Variants in RPH3AL observed in about 807,000 individuals in gnomAD.
RPH3AL encodes the protein rabphilin 3A like (without C2 domains).
A neutral mutation model predicts 43.1 loss-of-function variants in RPH3AL; 38 were observed. The observed-to-expected ratio is 0.88, with a 90% CI of 0.68 to 1.15. The LOEUF (loss-of-function observed/expected upper bound fraction) is 1.15, where lower values mean the gene tolerates loss of function less well. RPH3AL is among the 50% of genes most tolerant of loss of function. RPH3AL has a pLI of 0.00. For synonymous variants in RPH3AL, 189 were observed against 176.3 expected, an observed-to-expected ratio of 1.07 and a Z score of -0.57; for missense variants, 462 against 423.2, an observed-to-expected ratio of 1.09 and a Z score of -0.81.
chr17:253,441 C>T (rs28747076), intron 6 of RPH3AL, among the ~76,000 whole-genome samples: 21,837 of 152,186 alleles, frequency 0.14, 1,644 homozygotes, highest in South Asian at 0.19. Context: ...CATGGACTTC[C>T]GAGCTGCTCC....
chr17:304,384 C>T (rs974955355), intron 5 of RPH3AL, among the ~76,000 whole-genome samples: 49 of 152,150 alleles, frequency 3.2e-4, no homozygotes, highest in Admixed American at 1.1e-3. Context: ...CAGAATCCAG[C>T]GTTCTAAACC....
intron 1 of RPH3AL, chr17:349,467 C>T (rs1465751908): frequency 6.6e-6 from 1 of 151,344 alleles, no homozygotes; most frequent in Non-Finnish European, 1.5e-5. Context: ...ATTACCAGCT[C>T]AAACTCAAAA....
rs565537303 is a variant in RPH3AL, at chr17:215,152, C to T, written c.876+502G>A. Among the ~76,000 whole-genome samples the T allele has an allele frequency of 2.6e-5, 4 of 152,198 alleles. No homozygotes were observed. The highest frequency in any genetic ancestry group is 5.9e-5 in the Non-Finnish European group (4 of 68,036). On this transcript the variant is annotated intron_variant, in intron 9 of 9. Coordinates refer to ENST00000331302, the MANE Select transcript of RPH3AL (RefSeq NM_006987.4). This position sits in a 1 kb window ranked among gnomAD's most constrained non-coding sequence, Gnocchi z 4.1. ...GGCTTCTTTCTTGAAGGAGACAGGG[C>T]TGATCCTGCACCTGCGCAGTTTTCT...
At chr17:241,721 CTT>C (rs58397357) in intron 7 of RPH3AL, among the ~76,000 whole-genome samples, 6,773 of 133,942 alleles carry the variant, frequency 0.051, 193 homozygotes, top group Admixed American at 0.085. Context: ...CTTTTTTTTT[CTT>C]TTTTTTTTTT....
At chr17:305,787 G>A (rs1175701936) in intron 5 of RPH3AL, among the ~76,000 whole-genome samples, 1 of 151,746 alleles carries the variant, frequency 6.6e-6, no homozygotes. Flanking sequence ...CACTCACATC[G>A]CCCCATGACA....
In RPH3AL at chr17:315,222, G is replaced by C. The variant is rs62053756; in HGVS notation, c.351+4198C>G. Among the ~76,000 whole-genome samples, 151 of 91,152 alleles carry C rather than the reference G, an allele frequency of 1.7e-3. 18 individuals carry two copies. Among genetic ancestry groups the C allele is most frequent in the Non-Finnish European group, 2.6e-3 (129 of 49,528 alleles). 59.8% of individuals were successfully genotyped at this position (91,152 alleles called of 152,430 possible). On this transcript the variant is annotated intron_variant, in intron 5 of 9. Coordinates refer to ENST00000331302, the MANE Select transcript of RPH3AL (RefSeq NM_006987.4). The stretch of plus-strand genomic sequence containing the variant: ...CCACCTCCATTCACCTGTAGTCTCT[G>C]TGCCCCCACCTTCATTCACCTGTAG...
intron 6 of RPH3AL, among the ~76,000 whole-genome samples, chr17:258,566 C>T (rs548219305): frequency 8.5e-5 from 13 of 152,246 alleles, no homozygotes; most frequent in African/African-American, 2.9e-4. Flanking sequence ...AGCTGCCCTG[C>T]CTCCCCTGGC....
intron 2 of RPH3AL, chr17:331,644 A>C (rs2044769281): frequency 8.5e-6 from 11 of 1,288,338 alleles, no homozygotes; most frequent in Non-Finnish European, 1.0e-5. Context: ...CCTCGTCAGC[A>C]TGCAGAGGCT....
In RPH3AL at chr17:247,021, G is replaced by A. The variant is rs372616296; in HGVS notation, c.613+90C>T. 17 of 1,393,952 alleles carry A rather than the reference G, an allele frequency of 1.2e-5. No homozygotes were observed. In the East Asian group the frequency reaches 1.8e-4, roughly 15 times the overall value. 86.3% of individuals were successfully genotyped at this position (1,393,952 alleles called of 1,614,324 possible). ...AATGAGCCTCGTGGATGGAGGGTGC[G>A]GGGGACTGGCCTTGTGCCTGCAAAC... On this transcript the variant is annotated intron_variant, in intron 7 of 9. Coordinates refer to ENST00000331302, the MANE Select transcript of RPH3AL (RefSeq NM_006987.4).
chr17:253,676 GTTACTACCCTAC>G (rs2041978688), intron 6 of RPH3AL, among the ~76,000 whole-genome samples: 2 of 133,842 alleles, frequency 1.5e-5, no homozygotes, highest in African/African-American at 5.9e-5. Flanking sequence ...CCCTAGGAAC[GTTACTACCCTAC>G]GTACTTCCTA....
At chr17:316,557 GTAGTCCCTGTGCCCCACCTCCATTGACC>G (rs2044210082) in intron 5 of RPH3AL, among the ~76,000 whole-genome samples, 1 of 141,214 alleles carries the variant, frequency 7.1e-6, no homozygotes, top group Non-Finnish European at 1.5e-5. Context: ...CCACTGACAT[GTAGTCCCTGTGCCCCACCTCCATTGACC>G]TGTAGTCCCT....
chr17:247,424 G>T, intron 6 of RPH3AL, 139 bp from the exon 7 acceptor site: 2 of 801,858 alleles, frequency 2.5e-6, no homozygotes, highest in Non-Finnish European at 3.8e-6. Flanking sequence ...GCCCTCCCTG[G>T]CTGATGGGCT....
At chr17:251,927 G>A (rs1364513360) in intron 6 of RPH3AL, among the ~76,000 whole-genome samples, 4 of 151,712 alleles carry the variant, frequency 2.6e-5, no homozygotes, top group Admixed American at 6.6e-5. Context: ...TGAACCGCAC[G>A]CCACACTGTC....
chr17:253,488 T>A (rs2041966838), intron 6 of RPH3AL, among the ~76,000 whole-genome samples: 1 of 152,178 alleles, frequency 6.6e-6, no homozygotes, highest in African/African-American at 2.4e-5. Context: ...CCTCCGGGTA[T>A]GCGCAATCCT....
chr17:312,790 G>A (rs549546231), intron 5 of RPH3AL, among the ~76,000 whole-genome samples: 12 of 152,276 alleles, frequency 7.9e-5, no homozygotes, highest in South Asian at 2.1e-4. Flanking sequence ...TGACTTGTAC[G>A]AGACCGCGCC....
intron 2 of RPH3AL, among the ~76,000 whole-genome samples, chr17:330,410 A>G (rs1213574654): frequency 6.6e-6 from 1 of 152,256 alleles, no homozygotes; most frequent in Non-Finnish European, 1.5e-5. Flanking sequence ...TGGACAAGCA[A>G]GGAAAGACAG....
chr17:241,005 C>T (rs1006060886), intron 7 of RPH3AL, among the ~76,000 whole-genome samples: 2 of 151,480 alleles, frequency 1.3e-5, no homozygotes, highest in Non-Finnish European at 2.9e-5. Flanking sequence ...TGCAGTGAGC[C>T]GAGATTGTGC....
chr17:268,511 G>A (rs938786694), intron 6 of RPH3AL, among the ~76,000 whole-genome samples: 2 of 150,146 alleles, frequency 1.3e-5, no homozygotes, highest in African/African-American at 4.9e-5. Flanking sequence ...GTTAAGTTTT[G>A]GAGAGTTAAT....
At chr17:273,099 CG>C (rs2042546668) in intron 6 of RPH3AL, among the ~76,000 whole-genome samples, 5 of 100,820 alleles carry the variant, frequency 5.0e-5, no homozygotes, top group East Asian at 3.5e-4. Flanking sequence ...GCGAGGGTGA[CG>C]TCAGGGAGAG....
Sources: gnomAD v4.1 joint callset for allele counts (sites outside exome capture counted in the v4.1 genomes callset) on GRCh38, gnomAD v4.1.1 for gene constraint, Gnocchi (gnomAD v3.1) non-coding constraint, MANE v1.5 for transcripts, NCBI Gene and HGNC (gene_info 2026-07-23, HGNC 2026-07-21) for gene names.